The following EYA4 variants were observed in gnomAD, a reference collection of about 807,000 sequenced individuals.
EYA4 encodes EYA transcriptional coactivator and phosphatase 4.
Under a neutral mutation model 87.9 loss-of-function variants are expected in EYA4, and 31 were observed. That is an observed-to-expected ratio of 0.35 (90% CI 0.27 to 0.48). The LOEUF (loss-of-function observed/expected upper bound fraction) is 0.48. Ranked by LOEUF, EYA4 falls within the 20% of genes least tolerant of loss-of-function variation. The pLI, the probability that EYA4 is intolerant of heterozygous loss-of-function variation, is 0.99. For synonymous variants in EYA4, 263 were observed against 270.6 expected (o/e 0.97, Z 0.28); for missense variants, 678 against 761.4 (o/e 0.89, Z 1.29).
chr6:133,462,639 C>T lies in EYA4; in HGVS notation c.599C>T (p.Pro200Leu), dbSNP rs1195818553. The part of the protein sequence containing the change: ...LPTYDLGVML[P>L]AIKTESGLSQ... Reference sequence around the variant, plus strand: ...TGAACAGATTTGGGTGTGATGTTGCCAGCCATCAAGACAGAGAGTGGACTT... The same window carrying T: ...TGAACAGATTTGGGTGTGATGTTGCTAGCCATCAAGACAGAGAGTGGACTT... Residue 200 changes from proline (P) to leucine (L), a missense_variant, in exon 9 of 20, where the codon CCA (proline) becomes CTA (leucine). Coordinates refer to ENST00000355286, the MANE Select transcript of EYA4 (RefSeq NM_004100.5). 6.2e-7 allele frequency: 1 copy of T among 1,613,922 alleles called. No individual in the cohort carries two copies. Among genetic ancestry groups the T allele is most frequent in the South Asian group, 1.1e-5 (1 of 91,074 alleles).
At chr6:133,290,196 G>A (rs915173829) in intron 2 of EYA4, among the ~76,000 whole-genome samples, 1 of 152,166 alleles carries the variant, frequency 6.6e-6, no homozygotes, top group Admixed American at 6.5e-5. Context: ...TTCTAGATGA[G>A]GGATTGCCCA....
intron 13 of EYA4, among the ~76,000 whole-genome samples, chr6:133,490,981 T>TA (rs1015601355): frequency 1.1e-4 from 16 of 152,074 alleles, no homozygotes; most frequent in South Asian, 2.1e-4. Context: ...CTTTAAAAAT[T>TA]AAAAAAAATG....
rs892954705 is a variant in EYA4 at position 133,396,402 on chromosome 6, G to A, written c.83+13961G>A. Among the ~76,000 whole-genome samples the A allele has an allele frequency of 2.0e-5, 3 of 152,254 alleles. No individual in the cohort carries two copies. In the East Asian group the frequency reaches 5.8e-4, roughly 29 times the overall value. ...GATGTTAGAGATCATGCTAGAGCCT[G>A]GGAAAAAATGATTAATGTGGTTTGG... On this transcript the variant is annotated intron_variant, in intron 3 of 19. Transcript: ENST00000355286.
chr6:133,241,976 G>A (rs576828948), intron 1 of EYA4, among the ~76,000 whole-genome samples: 57 of 152,284 alleles, frequency 3.7e-4, no homozygotes, highest in African/African-American at 1.2e-3. Context: ...CCGCAGCGGT[G>A]CTCTCTGCCC....
chr6:133,306,982 T>TATAACCAAAACAA (rs1779858204), intron 2 of EYA4, among the ~76,000 whole-genome samples: 1 of 152,254 alleles, frequency 6.6e-6, no homozygotes, highest in Admixed American at 6.5e-5. Context: ...CAGTAAGTGT[T>TATAACCAAAACAA]ATAACCAAAA....
rs148180981 is a variant in EYA4, at chr6:133,525,106, C to T, written c.1739-48C>T. ...GAGATGGCCGAGATGAGGAGCATGC[C>T]GCTAACCAGGTAACTTCACTCTGAA... On this transcript the variant is annotated intron_variant, in intron 18 of 19. Transcript: ENST00000355286. 1.1e-4 allele frequency: 176 copies of T among 1,613,388 alleles called. No homozygotes were observed. The highest frequency in any genetic ancestry group is 2.7e-4 in the African/African-American group (20 of 74,866).
rs138149155 is a variant in EYA4 at position 133,290,881 on chromosome 6, T to G, written c.33+16068T>G. ...ATACTTTTGTGTAAGTTTCTTAATATTTGGAAATTAACATCAGCCCCAGCC... is the reference window on the plus strand; with the variant it reads ...ATACTTTTGTGTAAGTTTCTTAATAGTTGGAAATTAACATCAGCCCCAGCC... On this transcript the variant is annotated intron_variant, in intron 2 of 19. Transcript: ENST00000355286. Among the ~76,000 whole-genome samples, 797 of 152,262 alleles carry G rather than the reference T, an allele frequency of 5.2e-3. 7 individuals carry two copies. Among genetic ancestry groups the G allele is most frequent in the African/African-American group, 0.019 (775 of 41,546 alleles).
intron 2 of EYA4, among the ~76,000 whole-genome samples, chr6:133,307,066 T>G (rs1024874097): frequency 6.6e-6 from 1 of 152,174 alleles, no homozygotes; most frequent in African/African-American, 2.4e-5. Context: ...TAGTTTGAAA[T>G]GTATTTAAGC....
intron 3 of EYA4, among the ~76,000 whole-genome samples, chr6:133,385,089 GGAGATCGA>G (rs1786584225): frequency 6.6e-6 from 1 of 151,914 alleles, no homozygotes; most frequent in Admixed American, 6.6e-5. Context: ...GATGAGGTCA[GGAGATCGA>G]GACCATCCTG....
At chr6:133,394,471 C>T (rs1787618651) in intron 3 of EYA4, among the ~76,000 whole-genome samples, 1 of 151,310 alleles carries the variant, frequency 6.6e-6, no homozygotes, top group African/African-American at 2.4e-5. Context: ...AATACTTTTG[C>T]TTTAGTTATA....
At chr6:133,267,585 G>A (rs1047383712) in intron 1 of EYA4, among the ~76,000 whole-genome samples, 1 of 152,232 alleles carries the variant, frequency 6.6e-6, no homozygotes, top group Non-Finnish European at 1.5e-5. Context: ...GTTTCACCAT[G>A]TTGGTCAGGC....
intron 2 of EYA4, among the ~76,000 whole-genome samples, chr6:133,378,311 A>G (rs1785882763): frequency 6.6e-6 from 1 of 152,084 alleles, no homozygotes; most frequent in African/African-American, 2.4e-5. Flanking sequence ...TTAGTTTTCT[A>G]GTTCATAAGA....
chr6:133,505,550 T>C (rs546970440), intron 13 of EYA4, among the ~76,000 whole-genome samples: 4 of 152,268 alleles, frequency 2.6e-5, no homozygotes, highest in African/African-American at 9.6e-5. Context: ...TCCTCTTACC[T>C]TGTTGATAAA....
chr6:133,476,275 T>C (rs1019811957), intron 11 of EYA4, among the ~76,000 whole-genome samples: 4 of 152,106 alleles, frequency 2.6e-5, no homozygotes, highest in African/African-American at 9.6e-5. Flanking sequence ...GAAAATCTAT[T>C]CTCTTAGCAA....
chr6:133,356,934 T>G (rs1784096027), intron 2 of EYA4, among the ~76,000 whole-genome samples: 1 of 151,810 alleles, frequency 6.6e-6, no homozygotes, highest in Admixed American at 6.6e-5. Flanking sequence ...TGAGTCTTTT[T>G]GAACTGAGAT....
chr6:133,365,039 C>T (rs1219754616), intron 2 of EYA4, among the ~76,000 whole-genome samples: 1 of 152,140 alleles, frequency 6.6e-6, no homozygotes, highest in Non-Finnish European at 1.5e-5. Context: ...CTTTCTTTCT[C>T]CTAATACCTA....
At chr6:133,399,885 G>C (rs1447306781) in intron 3 of EYA4, among the ~76,000 whole-genome samples, 1 of 152,132 alleles carries the variant, frequency 6.6e-6, no homozygotes, top group Non-Finnish European at 1.5e-5. Flanking sequence ...TTAAATAAGA[G>C]AAAACACAAA....
intron 1 of EYA4, among the ~76,000 whole-genome samples, chr6:133,268,377 A>G (rs747264726): frequency 6.6e-6 from 1 of 152,184 alleles, no homozygotes. Context: ...TTGCAATCCA[A>G]TGCAGTATTT....
intron 2 of EYA4, among the ~76,000 whole-genome samples, chr6:133,284,780 T>A (rs1038129251): frequency 6.6e-6 from 1 of 152,228 alleles, no homozygotes; most frequent in Non-Finnish European, 1.5e-5. Flanking sequence ...AGCATGGTTT[T>A]CATTGTTGGA....
Sources: gnomAD v4.1 joint callset for allele counts (sites outside exome capture counted in the v4.1 genomes callset) on GRCh38, gnomAD v4.1.1 for gene constraint, MANE v1.5 for transcripts, NCBI Gene and HGNC (gene_info 2026-07-23, HGNC 2026-07-21) for gene names.